Variants in FAM117A observed in about 807,000 individuals in gnomAD.
FAM117A encodes family with sequence similarity 117 member A.
A neutral mutation model predicts 44.1 loss-of-function variants in FAM117A; 21 were observed. The observed-to-expected ratio is 0.48, with a 90% confidence interval of 0.34 to 0.69. FAM117A has a LOEUF of 0.69. FAM117A is among the 30% of genes least tolerant of loss of function. The probability of loss-of-function intolerance (pLI) is 0.01; values close to 1 mark genes in which losing one functional copy is unlikely to be tolerated. For missense variants in FAM117A, 498 were observed against 589.9 expected (o/e 0.84, Z 1.61); for synonymous variants, 220 against 238.3 (o/e 0.92, Z 0.71).
chr17:49,756,602 C>T lies in FAM117A; in HGVS notation c.196+7290G>A, dbSNP rs1196256275. On this transcript the variant is annotated intron_variant, in intron 1 of 7. Coordinates refer to ENST00000240364, the MANE Select transcript of FAM117A (RefSeq NM_030802.4). ...CCAACCTGGGTGATGAAGCAAGACC[C>T]CATCTCTCAAAAAAAAAAAAAAAGA... Among the ~76,000 whole-genome samples, 5 of 150,448 alleles carry T rather than the reference C, an allele frequency of 3.3e-5. No homozygotes were observed. In the East Asian group the frequency reaches 9.8e-4, roughly 29 times the overall value.
intron 5 of FAM117A, 173 bp from the exon 6 acceptor site, chr17:49,717,887 A>C (rs2073512757): frequency 1.8e-6 from 1 of 562,622 alleles, no homozygotes; most frequent in African/African-American, 1.9e-5. Flanking sequence ...AATCTAGAAG[A>C]AACTCCCTCC....
At chr17:49,775,630 T>C (rs1279418728) in intron 1 of FAM117A, among the ~76,000 whole-genome samples, 1 of 151,740 alleles carries the variant, frequency 6.6e-6, no homozygotes, top group Non-Finnish European at 1.5e-5. Context: ...CCTCGAGGAG[T>C]TGTGTTGTGC....
intron 2 of FAM117A, among the ~76,000 whole-genome samples, chr17:49,728,878 C>A (rs939963794): frequency 2.0e-5 from 3 of 152,192 alleles, no homozygotes; most frequent in Non-Finnish European, 2.9e-5. Context: ...GTTCACACAT[C>A]CTCCTCCCAA....
Position 49,720,300 on chromosome 17 carries a change from G to C in FAM117A, c.573+26C>G, listed in dbSNP as rs1324895149. ...GGGCCTGCATGGAGGAGAACAGAGG[G>C]GAGAGGGCTGGGGGAGAAAACATAC... On this transcript the variant is annotated intron_variant, in intron 4 of 7. Coordinates refer to ENST00000240364, the MANE Select transcript of FAM117A (RefSeq NM_030802.4). 5 of 1,578,868 alleles carry C rather than the reference G, an allele frequency of 3.2e-6. 1 individual carries two copies. In the South Asian group the frequency reaches 5.5e-5, roughly 17 times the overall value.
intron 1 of FAM117A, among the ~76,000 whole-genome samples, chr17:49,753,938 G>A (rs887156524): frequency 2.0e-5 from 3 of 152,096 alleles, no homozygotes; most frequent in Admixed American, 6.5e-5. Flanking sequence ...CTGTGAACAC[G>A]GAACTACTCC....
intron 1 of FAM117A, among the ~76,000 whole-genome samples, chr17:49,763,039 C>A (rs966761308): frequency 3.9e-5 from 6 of 151,946 alleles, no homozygotes; most frequent in African/African-American, 1.5e-4. Context: ...TGCAATGCCC[C>A]GGACAAAACA....
chr17:49,752,348 T>A (rs1019501611), intron 1 of FAM117A, among the ~76,000 whole-genome samples: 1 of 152,140 alleles, frequency 6.6e-6, no homozygotes, highest in Non-Finnish European at 1.5e-5. Flanking sequence ...CTCAGACAGA[T>A]CCTGCGCCCC....
chr17:49,778,412 G>A (rs61537370), intron 1 of FAM117A, among the ~76,000 whole-genome samples: 3,765 of 152,248 alleles, frequency 0.025, 152 homozygotes, highest in African/African-American at 0.085. Context: ...TTGGGATTTT[G>A]AAAACAAATC....
At chr17:49,783,249 A>T (rs1211121888) in intron 1 of FAM117A, among the ~76,000 whole-genome samples, 1 of 152,156 alleles carries the variant, frequency 6.6e-6, no homozygotes, top group Non-Finnish European at 1.5e-5. Context: ...GGCCCCATAG[A>T]ATATGGAAAA....
intron 1 of FAM117A, among the ~76,000 whole-genome samples, chr17:49,743,417 G>A (rs990299902): frequency 8.6e-5 from 13 of 151,964 alleles, no homozygotes; most frequent in African/African-American, 1.9e-4. Context: ...GCAACATAGC[G>A]AGACTCCACC....
intron 1 of FAM117A, among the ~76,000 whole-genome samples, chr17:49,770,269 C>CA (rs57966452): frequency 0.39 from 26,782 of 69,300 alleles, 4,415 homozygotes; most frequent in East Asian, 0.58. Flanking sequence ...GACTCTGTAT[C>CA]AAAAAAAAAA....
intron 1 of FAM117A, among the ~76,000 whole-genome samples, chr17:49,749,248 G>T (rs974719937): frequency 7.2e-5 from 11 of 151,980 alleles, no homozygotes; most frequent in African/African-American, 2.7e-4. Context: ...GTCCCTCATG[G>T]CTCTGGTGCA....
chr17:49,764,235 C>T (rs1368792910), upstream of FAM117A: 5 of 415,378 alleles, frequency 1.2e-5, no homozygotes, highest in Admixed American at 3.5e-5. Flanking sequence ...GACCTTCCAC[C>T]CCAGCCAATC....
chr17:49,779,620 CA>C (rs2073784235), intron 1 of FAM117A, among the ~76,000 whole-genome samples: 1 of 152,224 alleles, frequency 6.6e-6, no homozygotes, highest in Non-Finnish European at 1.5e-5. Context: ...GCCCTTCCTA[CA>C]GCAGCTGTGC....
rs778130727 is a variant in FAM117A at position 49,711,385 on chromosome 17, G to A, written c.1232C>T (p.Pro411Leu). 7.4e-6 allele frequency: 12 copies of A among 1,611,550 alleles called. No homozygotes were observed. Among genetic ancestry groups the A allele is most frequent in the South Asian group, 2.2e-5 (2 of 90,828 alleles). The change falls in exon 8 of 8, where the codon CCG (proline) becomes CTG (leucine). Residue 411 changes from proline to leucine, a missense_variant. Transcript: ENST00000240364. ...CCGAGGTGGTGGCCTGGGGCTGGCC[G>A]GGGGAAGGGGAGATCCCGGGTTTGA... is the stretch of plus-strand genomic sequence containing the variant. ...CPSNPGSPLPPASPRPPPRKD... is the reference protein window; with the variant it reads ...CPSNPGSPLPLASPRPPPRKD...
At position 49,764,010 on chromosome 17, in the gene FAM117A, C is replaced by T. The variant is rs2073734570; in HGVS notation, c.78G>A (p.Arg26=). Residue 26 remains arginine, a synonymous_variant, in exon 1 of 8, where the codon CGG becomes CGA. Transcript: ENST00000240364. The stretch of plus-strand genomic sequence containing the variant: ...CGGCGGGGGCTGGGGGAGAGCAGCC[C>T]CGCCGGAGCCCCCCGGCCCCTCCGC... The part of the protein sequence containing the change: ...PGRGGAGGLR[R]GCSPPAPAGS... The T allele has an allele frequency of 1.7e-6, 2 of 1,207,456 alleles. No homozygotes were observed. The highest frequency in any genetic ancestry group is 2.1e-6 in the Non-Finnish European group (2 of 968,336). The allele number at this position is 1,207,456 out of a possible 1,614,324, so 74.8% of individuals were successfully genotyped here. A position where few individuals can be genotyped will look rare whatever the true frequency, so the allele number is the denominator to read the frequency against.
In FAM117A at chr17:49,720,347, G is replaced by A. The variant is rs1166086388; in HGVS notation, c.552C>T (p.His184=). Residue 184 remains histidine, a synonymous_variant, in exon 4 of 8, where the codon CAC becomes CAT. Coordinates refer to ENST00000240364, the MANE Select transcript of FAM117A (RefSeq NM_030802.4). ...ATACCCTCAGTGCTCCCCGCACTGC[G>A]TGGTCCCCTAGGAGTGGTGAACCTC... ...KERGSPLLGD[H]AVRGALRASP... 3.1e-6 allele frequency: 5 copies of A among 1,613,740 alleles called. No individual in the cohort carries two copies. The highest frequency in any genetic ancestry group is 4.2e-6 in the Non-Finnish European group (5 of 1,179,898).
At chr17:49,755,586 G>A (rs958043446) in intron 1 of FAM117A, among the ~76,000 whole-genome samples, 2 of 152,192 alleles carry the variant, frequency 1.3e-5, no homozygotes, top group Non-Finnish European at 2.9e-5. Flanking sequence ...AGCTATAAGT[G>A]TGTTGGGAAA....
intron 5 of FAM117A, chr17:49,717,965 C>A: frequency 2.8e-6 from 1 of 352,438 alleles, no homozygotes; most frequent in East Asian, 4.9e-5. Context: ...ATTACATATT[C>A]ACCTGTAGGG....
Sources: allele counts gnomAD v4.1 joint callset (sites outside exome capture counted in the v4.1 genomes callset), GRCh38; gene constraint gnomAD v4.1.1; transcripts MANE v1.5; gene names NCBI Gene and HGNC (gene_info 2026-07-23, HGNC 2026-07-21).